The following CEP170 variants were observed in gnomAD, a reference collection of about 807,000 sequenced individuals.
The protein encoded by CEP170 is centrosomal protein 170.
Under a neutral mutation model 151.9 loss-of-function variants are expected in CEP170, and 21 were observed. That is an observed-to-expected ratio of 0.14 (90% CI 0.10 to 0.20). The LOEUF is 0.20. CEP170 is among the 10% of genes least tolerant of loss of function. CEP170 has a pLI of 1.00. For synonymous variants in CEP170, 356 were observed against 648.8 expected, an observed-to-expected ratio of 0.55 and a Z score of 6.86; for missense variants, 964 against 1,892.9, an observed-to-expected ratio of 0.51 and a Z score of 9.11.
chr1:243,222,676 G>A (rs1466578467), intron 2 of CEP170, among the ~76,000 whole-genome samples: 1 of 152,086 alleles, frequency 6.6e-6, no homozygotes, highest in African/African-American at 2.4e-5. Flanking sequence ...TCCAATTTTT[G>A]GTCCAACATG....
chr1:243,212,044 T>G (rs2061853705), intron 3 of CEP170, 80 bp from the exon 4 acceptor site: 1 of 1,277,386 alleles, frequency 7.8e-7, no homozygotes, highest in Non-Finnish European at 1.0e-6. Flanking sequence ...TTCTCAAATC[T>G]GAGAGTTAAA....
intron 4 of CEP170, 110 bp from the exon 5 acceptor site, chr1:243,200,945 AATTATTAT>A (rs1211590981): frequency 8.6e-7 from 1 of 1,169,586 alleles, no homozygotes; most frequent in Non-Finnish European, 1.2e-6. Context: ...ACTACAGCAG[AATTATTAT>A]ATTTCCCCTG....
intron 3 of CEP170, among the ~76,000 whole-genome samples, chr1:243,217,677 G>T (rs2062423649): frequency 6.6e-6 from 1 of 152,118 alleles, no homozygotes. Flanking sequence ...AATTACCAAT[G>T]GGAAAGAGAA....
At position 243,242,284 on chromosome 1, in the gene CEP170, T is replaced by C. The variant is rs555507200; in HGVS notation, c.-42+12756A>G. On this transcript the variant is annotated intron_variant, in intron 1 of 19. Transcript: ENST00000366542. ...CCCAGGCTGGAGTGCAGTGGCGTGA[T>C]CTCTGCTCAATACAAGCTCCACCTC... 1.4e-4 allele frequency among the ~76,000 whole-genome samples: 21 copies of C among 152,208 alleles called. 1 individual carries two copies. The South Asian group carries it at 3.9e-3, about 29-fold the overall frequency.
rs1275566809 is a variant in CEP170, at chr1:243,186,418, A to G, written c.1113T>C (p.Asn371=). 35 of 1,590,862 alleles carry G rather than the reference A, an allele frequency of 2.2e-5. No individual in the cohort carries two copies. The highest frequency in any genetic ancestry group is 3.0e-5 in the Non-Finnish European group (35 of 1,172,224). Residue 371 remains asparagine, a synonymous_variant, in exon 9 of 20, where the codon AAT becomes AAC. Coordinates refer to ENST00000366542, the MANE Select transcript of CEP170 (RefSeq NM_014812.3). ...CACTTTGCGTACCATCATCATGTTT[A>G]TTTCCTGGATACAAAAAGAAAACAC... ...VPVYLKRLKG[N]KHDDGTQSDS... is the part of the protein sequence containing the mutation.
chr1:243,175,953 C>G (rs560563059), intron 10 of CEP170, among the ~76,000 whole-genome samples: 3 of 152,128 alleles, frequency 2.0e-5, no homozygotes, highest in Non-Finnish European at 2.9e-5. Flanking sequence ...CCCGCCACTA[C>G]GCCTGGCTAA....
chr1:243,135,134 A>C (rs1290451020), intron 17 of CEP170, among the ~76,000 whole-genome samples: 1 of 152,212 alleles, frequency 6.6e-6, no homozygotes, highest in Non-Finnish European at 1.5e-5. Flanking sequence ...TTTTAACATA[A>C]GGAATTTTAA....
Position 243,156,455 on chromosome 1 carries a change from A to G in CEP170, c.3677T>C (p.Val1226Ala). ...AGGAAAGCGCCTCCATCTTGAATTTACTAAATTAGTTTAATTATTAAAAAA... is the reference window on the plus strand; with the variant it reads ...AGGAAAGCGCCTCCATCTTGAATTTGCTAAATTAGTTTAATTATTAAAAAA... ...SMTSAHGSAS[V>A]NSRWRRFPTD... The change falls in exon 14 of 20, where the codon GTA becomes GCA. Residue 1226 changes from valine (V) to alanine (A), a missense_variant and splice_region_variant. By Grantham distance (64) the Val-to-Ala change is moderately conservative (BLOSUM62 0). Transcript: ENST00000366542. The G allele has an allele frequency of 6.5e-7, 1 of 1,538,516 alleles. No homozygotes were observed. The highest frequency in any genetic ancestry group is 8.8e-7 in the Non-Finnish European group (1 of 1,142,064).
At chr1:243,230,787 T>C (rs1261240934) in intron 1 of CEP170, among the ~76,000 whole-genome samples, 1 of 152,100 alleles carries the variant, frequency 6.6e-6, no homozygotes, top group East Asian at 1.9e-4. Flanking sequence ...AACATACTAA[T>C]ATACACATAT....
chr1:243,175,651 C>T (rs917104051), intron 10 of CEP170, among the ~76,000 whole-genome samples: 1 of 152,170 alleles, frequency 6.6e-6, no homozygotes, highest in Non-Finnish European at 1.5e-5. Context: ...AAAACCAAGA[C>T]CAAGTATGCT....
rs188612334 is a variant in CEP170 at position 243,240,157 on chromosome 1, G to A, written c.-41-14836C>T. Among the ~76,000 whole-genome samples the A allele has an allele frequency of 1.4e-3, 209 of 152,138 alleles. 1 individual carries two copies. The highest frequency in any genetic ancestry group is 4.8e-3 in the African/African-American group (199 of 41,506). On this transcript the variant is annotated intron_variant, in intron 1 of 19. Coordinates refer to ENST00000366542, the MANE Select transcript of CEP170 (RefSeq NM_014812.3). ...GAAACCCTGTTTCTACTACAAATAC[G>A]AAATTAACTGGGCATGGTGGCACAT...
rs1473297506 is a variant in CEP170 at position 243,247,644 on chromosome 1, G to A, written c.-42+7396C>T. On this transcript the variant is annotated intron_variant, in intron 1 of 19. Coordinates refer to ENST00000366542, the MANE Select transcript of CEP170 (RefSeq NM_014812.3). ...GCTGGGACTACAGGCGTGAGCCACC[G>A]CGCCTGCCCTGGTTGTTCTTATCCT... 4.6e-5 allele frequency among the ~76,000 whole-genome samples: 7 copies of A among 152,122 alleles called. No homozygotes were observed. The East Asian group carries it at 5.8e-4, about 13-fold the overall frequency.
chr1:243,165,542 C>G lies in CEP170; in HGVS notation c.2418G>C (p.Glu806Asp). Residue 806 changes from glutamate to aspartate, a missense_variant, in exon 13 of 20, where the codon GAG becomes GAC. Coordinates refer to ENST00000366542, the MANE Select transcript of CEP170 (RefSeq NM_014812.3). ...TSKGDRVAQSESKRRKAEEIL... is the reference protein window; with the variant it reads ...TSKGDRVAQSDSKRRKAEEIL... ...TTTCCTCAGCTTTTCTTCTCTTGCT[C>G]TCACTTTGTGCCACTCTGTCTCCTT... 1 of 1,613,436 alleles carries G rather than the reference C, an allele frequency of 6.2e-7. No individual in the cohort carries two copies. Among genetic ancestry groups the G allele is most frequent in the East Asian group, 2.2e-5 (1 of 44,858 alleles).
intron 3 of CEP170, among the ~76,000 whole-genome samples, chr1:243,217,920 C>T (rs761758890): frequency 2.0e-5 from 3 of 152,190 alleles, no homozygotes; most frequent in Non-Finnish European, 2.9e-5. Flanking sequence ...ATCCTATGAG[C>T]GTTCCACATC....
intron 4 of CEP170, 168 bp downstream of exon 4, chr1:243,211,718 A>G (rs1387205948): frequency 2.7e-6 from 2 of 741,992 alleles, no homozygotes; most frequent in Non-Finnish European, 4.2e-6. Flanking sequence ...ACTTTTAGGA[A>G]CAGGCATAAT....
chr1:243,244,643 G>A (rs1409335024), intron 1 of CEP170, among the ~76,000 whole-genome samples: 1 of 152,090 alleles, frequency 6.6e-6, no homozygotes, highest in East Asian at 1.9e-4. Flanking sequence ...TTACTTGGGG[G>A]ACTGAGGCGG....
chr1:243,217,074 G>C (rs10803125), intron 3 of CEP170, among the ~76,000 whole-genome samples: 62,070 of 151,958 alleles, frequency 0.41, 14,733 homozygotes, highest in East Asian at 0.66. Flanking sequence ...ATATCCTATT[G>C]CTCCTAGGCT....
intron 1 of CEP170, among the ~76,000 whole-genome samples, chr1:243,225,735 T>C (rs2063169187): frequency 6.6e-6 from 1 of 152,148 alleles, no homozygotes; most frequent in Non-Finnish European, 1.5e-5. Flanking sequence ...ACACAATGAA[T>C]TCAGTAAGTA....
At chr1:243,244,923 T>C (rs1396337277) in intron 1 of CEP170, among the ~76,000 whole-genome samples, 1 of 152,154 alleles carries the variant, frequency 6.6e-6, no homozygotes, top group Non-Finnish European at 1.5e-5. Context: ...TGTAGTGAGA[T>C]TATTTCATAA....
Sources: gnomAD v4.1 joint callset for allele counts (sites outside exome capture counted in the v4.1 genomes callset) on GRCh38, gnomAD v4.1.1 for gene constraint, MANE v1.5 for transcripts, NCBI Gene and HGNC (gene_info 2026-07-23, HGNC 2026-07-21) for gene names.